The following MLIP variants were observed in gnomAD, a reference collection of about 807,000 sequenced individuals.
MLIP encodes muscular LMNA-interacting protein.
MLIP carries 79 observed loss-of-function variants against 84.8 expected under a neutral mutation model. The ratio of observed to expected loss-of-function variants is 0.93; its 90% CI spans 0.78 to 1.12. MLIP has a LOEUF of 1.12. Among genes scored for constraint, MLIP ranks in the 50% most tolerant of loss-of-function variants. The probability of loss-of-function intolerance (pLI) is 0.00; values close to 1 mark genes in which losing one functional copy is unlikely to be tolerated. For missense variants in MLIP, 1,257 were observed against 1,160.6 expected (o/e 1.08, Z -1.21); for synonymous variants, 504 against 463.0 (o/e 1.09, Z -1.14).
At chr6:54,191,030 C>T (rs961173602) in intron 10 of MLIP, among the ~76,000 whole-genome samples, 4 of 151,830 alleles carry the variant, frequency 2.6e-5, no homozygotes, top group African/African-American at 9.7e-5. Flanking sequence ...CTCCTGACCT[C>T]GTGATCCACC....
intron 1 of MLIP, among the ~76,000 whole-genome samples, chr6:54,088,885 T>C (rs961655460): frequency 6.6e-6 from 1 of 152,172 alleles, no homozygotes; most frequent in East Asian, 1.9e-4. Flanking sequence ...AAGTATGTGC[T>C]CAAATTATTT....
At chr6:54,191,318 A>G (rs1296253107) in intron 10 of MLIP, among the ~76,000 whole-genome samples, 1 of 152,216 alleles carries the variant, frequency 6.6e-6, no homozygotes, top group Non-Finnish European at 1.5e-5. Flanking sequence ...TATTTGTAAT[A>G]CTGAGAAATC....
At chr6:54,140,343 C>T (rs538103928) in intron 4 of MLIP, among the ~76,000 whole-genome samples, 23 of 152,088 alleles carry the variant, frequency 1.5e-4, no homozygotes, top group Non-Finnish European at 3.2e-4. Flanking sequence ...TTATTGAAGA[C>T]CTATTGTTTT....
intron 10 of MLIP, among the ~76,000 whole-genome samples, chr6:54,193,312 G>A (rs954679437): frequency 3.3e-5 from 5 of 152,158 alleles, no homozygotes; most frequent in Admixed American, 6.6e-5. Flanking sequence ...CAGCCTGAAG[G>A]GATTATTGTG....
chr6:54,252,927 T>C (rs1782741681), intron 12 of MLIP, among the ~76,000 whole-genome samples: 1 of 152,176 alleles, frequency 6.6e-6, no homozygotes. Flanking sequence ...GGATGTCTTT[T>C]AGGCATTCAG....
rs900321934 is a variant in MLIP at position 54,033,883 on chromosome 6, T to C, written c.63+14792T>C. On this transcript the variant is annotated intron_variant, in intron 1 of 12. Transcript: ENST00000274897. ...ATCATGGAATGGAATAAAATCTTAC[T>C]ACTATAGACTCTAAGTAAGTAATAG... is the stretch of plus-strand genomic sequence containing the variant. Among the ~76,000 whole-genome samples, 4 of 152,198 alleles carry C rather than the reference T, an allele frequency of 2.6e-5. No homozygotes were observed. In the East Asian group the frequency reaches 7.7e-4, roughly 29 times the overall value.
At position 54,266,028 on chromosome 6, in the gene MLIP, T is replaced by TA; in HGVS notation, c.*75dup. On this transcript the variant is annotated 3_prime_UTR_variant, in exon 14 of 14. Coordinates refer to ENST00000502396, the MANE Select transcript of MLIP (RefSeq NM_001281747.2). ...GCTGGTGCTAACCACTTGCTAGATT[T>TA]AACTTTTTTTTTTTTTTCCAGAATG... The TA allele has an allele frequency of 1.3e-6, 2 of 1,504,054 alleles. No individual in the cohort carries two copies. The highest frequency in any genetic ancestry group is 1.8e-6 in the Non-Finnish European group (2 of 1,103,372). The allele number at this position is 1,504,054 out of a possible 1,614,324, so 93.2% of individuals were successfully genotyped here. A position where few individuals can be genotyped will look rare whatever the true frequency, so the allele number is the denominator to read the frequency against.
chr6:54,249,804 CTTTTA>C (rs1376894363), intron 12 of MLIP, among the ~76,000 whole-genome samples: 1 of 151,010 alleles, frequency 6.6e-6, no homozygotes, highest in Non-Finnish European at 1.5e-5. Context: ...TGTTTATTTA[CTTTTA>C]TTTTAAGTTT....
chr6:54,264,347 C>T (rs1030953772), intron 13 of MLIP, among the ~76,000 whole-genome samples: 3 of 151,908 alleles, frequency 2.0e-5, no homozygotes, highest in Non-Finnish European at 2.9e-5. Context: ...TTTCAGAAGC[C>T]AAACTCAATA....
chr6:54,160,917 G>T, intron 8 of MLIP, 118 bp downstream of exon 8: 1 of 772,114 alleles, frequency 1.3e-6, no homozygotes, highest in African/African-American at 1.8e-5. Flanking sequence ...ATAGCAATCA[G>T]TCTTTTTTGT....
At chr6:54,228,845 A>G (rs1367424772) in intron 11 of MLIP, among the ~76,000 whole-genome samples, 1 of 152,142 alleles carries the variant, frequency 6.6e-6, no homozygotes, top group Non-Finnish European at 1.5e-5. Context: ...TTTCTCACAT[A>G]GTTAGTCTTG....
chr6:54,063,791 C>T (rs1027816256), intron 1 of MLIP, among the ~76,000 whole-genome samples: 1 of 151,390 alleles, frequency 6.6e-6, no homozygotes. Context: ...ATAAAAATCT[C>T]GTTCTAAATT....
chr6:54,230,949 C>G, intron 12 of MLIP, 32 bp downstream of exon 12: 1 of 1,596,838 alleles, frequency 6.3e-7, no homozygotes, highest in Non-Finnish European at 8.6e-7. Flanking sequence ...GAGGACTATT[C>G]TATTCTGTGA....
intron 1 of MLIP, among the ~76,000 whole-genome samples, chr6:54,076,991 A>G (rs1426202688): frequency 5.3e-5 from 8 of 152,206 alleles, no homozygotes; most frequent in Non-Finnish European, 8.8e-5. Context: ...GGAGCAAAGG[A>G]CTAGGGTGAA....
chr6:54,160,395 GT>G lies in MLIP; in HGVS notation c.2319del (p.Ser773ArgfsTer8). On this transcript the variant is annotated frameshift_variant, in exon 6 of 14. Coordinates refer to ENST00000502396, the MANE Select transcript of MLIP (RefSeq NM_001281747.2). LOFTEE classifies it high-confidence loss of function. Reference sequence around the variant, plus strand: ...CTAGATGAACCAGCCAAGACTGAAAGTGTCTCCAAGGACAACACATTAGAAC... The same window carrying G: ...CTAGATGAACCAGCCAAGACTGAAAGGTCTCCAAGGACAACACATTAGAAC... ...KALDEPAKTE[S>X]VSKDNTLEPP... is the part of the protein sequence containing the mutation. 6.2e-7 allele frequency: 1 copy of G among 1,612,408 alleles called. No individual in the cohort carries two copies. The highest frequency in any genetic ancestry group is 8.5e-7 in the Non-Finnish European group (1 of 1,179,104).
At chr6:54,258,197 GCCTCC>G (rs1783142883) in intron 13 of MLIP, among the ~76,000 whole-genome samples, 1 of 152,044 alleles carries the variant, frequency 6.6e-6, no homozygotes, top group African/African-American at 2.4e-5. Context: ...TAATTTTGCA[GCCTCC>G]AAGTTTAGGA....
At chr6:54,062,430 C>T (rs1313095252) in intron 1 of MLIP, among the ~76,000 whole-genome samples, 1 of 152,174 alleles carries the variant, frequency 6.6e-6, no homozygotes, top group Non-Finnish European at 1.5e-5. Flanking sequence ...CAAGTATCCT[C>T]TCCACAGACT....
chr6:54,140,938 C>T (rs1219558665), intron 4 of MLIP, among the ~76,000 whole-genome samples: 1 of 152,122 alleles, frequency 6.6e-6, no homozygotes, highest in Non-Finnish European at 1.5e-5. Context: ...GCACAGGACT[C>T]TTTTTGAAAT....
intron 12 of MLIP, among the ~76,000 whole-genome samples, chr6:54,243,134 T>A (rs1292308284): frequency 1.3e-5 from 2 of 152,174 alleles, no homozygotes; most frequent in Admixed American, 1.3e-4. Context: ...ACAACTGCCA[T>A]GCAAAAGACA....
Sources: gnomAD v4.1 joint callset for allele counts (sites outside exome capture counted in the v4.1 genomes callset) on GRCh38, gnomAD v4.1.1 for gene constraint, MANE v1.5 for transcripts, NCBI Gene and HGNC (gene_info 2026-07-23, HGNC 2026-07-21) for gene names.